TECR: variants seen among roughly 807,000 people sequenced by gnomAD.
TECR encodes the protein very-long-chain enoyl-CoA reductase.
Under a neutral mutation model 50.6 loss-of-function variants are expected in TECR, and 19 were observed. The ratio of observed to expected loss-of-function variants is 0.38; its 90% confidence interval spans 0.26 to 0.55. The LOEUF (loss-of-function observed/expected upper bound fraction) is 0.55, where lower values mean the gene tolerates loss of function less well. TECR is among the 20% of genes least tolerant of loss of function. The pLI, the probability that TECR is intolerant of heterozygous loss-of-function variation, is 0.79. For missense variants in TECR, 313 were observed against 408.3 expected (o/e 0.77, Z 2.01); for synonymous variants, 168 against 163.5 (o/e 1.03, Z -0.21).
At chr19:14,541,432 G>T (rs898673582) in intron 1 of TECR, among the ~76,000 whole-genome samples, 10 of 152,232 alleles carry the variant, frequency 6.6e-5, no homozygotes, top group Non-Finnish European at 1.2e-4. Flanking sequence ...CAGGTTGTGG[G>T]CAGGTCCTGC....
At chr19:14,533,770 G>A (rs2072760301) in intron 1 of TECR, among the ~76,000 whole-genome samples, 1 of 152,158 alleles carries the variant, frequency 6.6e-6, no homozygotes, top group Non-Finnish European at 1.5e-5. Flanking sequence ...TCTCTAGAAC[G>A]GGTCACCTCC....
rs778162200 is a variant in TECR, at chr19:14,565,599, T to C, written c.754-19T>C. The C allele has an allele frequency of 6.2e-6, 10 of 1,607,820 alleles. No homozygotes were observed. The South Asian group carries it at 6.6e-5, about 11-fold the overall frequency. ...GGGTTGCGAGGCTGCCCACGCTCACTCTCCGCCCCTGCCCACAGGTGGGGT... is the reference window on the plus strand; with the variant it reads ...GGGTTGCGAGGCTGCCCACGCTCACCCTCCGCCCCTGCCCACAGGTGGGGT... On this transcript the variant is annotated intron_variant, in intron 11 of 12. Coordinates refer to ENST00000215567, the MANE Select transcript of TECR (RefSeq NM_138501.6).
At chr19:14,542,717 T>C (rs2073146054) in intron 1 of TECR, among the ~76,000 whole-genome samples, 1 of 152,104 alleles carries the variant, frequency 6.6e-6, no homozygotes, top group Non-Finnish European at 1.5e-5. Context: ...TTCTGAGAAG[T>C]GTACCGTGGA....
chr19:14,534,242 A>C (rs2072780455), intron 1 of TECR, among the ~76,000 whole-genome samples: 1 of 150,930 alleles, frequency 6.6e-6, no homozygotes. Context: ...CTCCTGCCTC[A>C]GCCTCCCGAG....
At chr19:14,535,508 A>C (rs1599415200) in intron 1 of TECR, among the ~76,000 whole-genome samples, 1 of 9,804 alleles carries the variant, frequency 1.0e-4, no homozygotes, top group Non-Finnish European at 1.6e-4. Context: ...CTCCGTCTCA[A>C]AAAAAAAAAA....
chr19:14,537,849 G>T (rs562258478), intron 1 of TECR, among the ~76,000 whole-genome samples: 76 of 151,226 alleles, frequency 5.0e-4, no homozygotes, highest in African/African-American at 1.7e-3. Flanking sequence ...GGGTTCAGGC[G>T]ATTCTCCTGC....
intron 1 of TECR, chr19:14,532,494 CAG>C (rs1168660448): frequency 1.7e-5 from 2 of 117,136 alleles, no homozygotes; most frequent in Non-Finnish European, 3.2e-5. Context: ...GCCTGGATGA[CAG>C]AGCGAGAGTC....
intron 1 of TECR, chr19:14,529,989 C>G (rs2072563032): frequency 1.8e-6 from 1 of 552,018 alleles, no homozygotes; most frequent in Non-Finnish European, 3.3e-6. Flanking sequence ...TTGCAGCTCC[C>G]CCAGCGGGCT....
intron 1 of TECR, among the ~76,000 whole-genome samples, chr19:14,540,946 T>C (rs566049414): frequency 6.6e-6 from 1 of 152,216 alleles, no homozygotes; most frequent in East Asian, 1.9e-4. Flanking sequence ...GCCATTCTTT[T>C]GCCTCAGGCT....
At chr19:14,545,248 C>G (rs532228049) in intron 1 of TECR, 1 of 456,134 alleles carries the variant, frequency 2.2e-6, no homozygotes, top group African/African-American at 2.0e-5. Context: ...CTAAAATTTA[C>G]TCTGTTCCAG....
chr19:14,529,118 T>C (rs1599393769), upstream of TECR: 2 of 179,462 alleles, frequency 1.1e-5, no homozygotes, highest in East Asian at 2.8e-4. Context: ...TCTCCTCCCA[T>C]AGTGACCTCC....
At chr19:14,533,771 G>C (rs2072760429) in intron 1 of TECR, among the ~76,000 whole-genome samples, 1 of 152,124 alleles carries the variant, frequency 6.6e-6, no homozygotes, top group Admixed American at 6.6e-5. Context: ...CTCTAGAACG[G>C]GTCACCTCCA....
At chr19:14,558,677 G>T (rs984333293) in intron 1 of TECR, among the ~76,000 whole-genome samples, 19 of 152,088 alleles carry the variant, frequency 1.2e-4, no homozygotes, top group African/African-American at 4.3e-4. Flanking sequence ...CTCACCCCTT[G>T]CCCGTGGCCA....
Position 14,565,704 on chromosome 19 carries a change from GGGCCGGCAGCCCCTCCCTGA to G in TECR, c.800-39_800-20del. The G allele has an allele frequency of 6.2e-7, 1 of 1,611,790 alleles. No individual in the cohort carries two copies. Among genetic ancestry groups the G allele is most frequent in the Non-Finnish European group, 8.5e-7 (1 of 1,179,568 alleles). On this transcript the variant is annotated intron_variant, in intron 12 of 12. Transcript: ENST00000215567. The stretch of plus-strand genomic sequence containing the variant: ...TCCCTCGGCGGGGCCCTGCCCCTCC[GGGCCGGCAGCCCCTCCCTGA>G]CGCCCGTTCTTTCCTGCAGTGGCCC...
Position 14,563,045 on chromosome 19 carries a change from C to T in TECR, c.67-161C>T, listed in dbSNP as rs1158134010. On this transcript the variant is annotated intron_variant, in intron 2 of 12. Transcript: ENST00000215567. This position sits in a 1 kb window ranked among gnomAD's most constrained non-coding sequence, Gnocchi z 5.3. ...GCTGTCACTGCACTGGCAGGGCCCTCGGTGGTCCTTCCCTGACTGCAGGCA... is the reference window on the plus strand; with the variant it reads ...GCTGTCACTGCACTGGCAGGGCCCTTGGTGGTCCTTCCCTGACTGCAGGCA... 17 of 843,396 alleles carry T rather than the reference C, an allele frequency of 2.0e-5. No individual in the cohort carries two copies. Among genetic ancestry groups the T allele is most frequent in the African/African-American group, 3.4e-5 (2 of 59,224 alleles). The allele number at this position is 843,396 out of a possible 1,614,324, so 52.2% of individuals were successfully genotyped here. A position where few individuals can be genotyped will look rare whatever the true frequency, so the allele number is the denominator to read the frequency against.
intron 11 of TECR, 69 bp downstream of exon 11, chr19:14,565,359 A>G: frequency 6.3e-7 from 1 of 1,582,912 alleles, no homozygotes. Flanking sequence ...AGCCCCTAGG[A>G]TGGGGCGCCT....
intron 1 of TECR, among the ~76,000 whole-genome samples, chr19:14,557,181 CCAGG>C (rs1297258345): frequency 1.4e-5 from 2 of 147,774 alleles, no homozygotes; most frequent in Non-Finnish European, 3.0e-5. Context: ...GCTGTGTCGC[CCAGG>C]CTGGAGTGCA....
At chr19:14,542,099 A>T (rs1242460295) in intron 1 of TECR, among the ~76,000 whole-genome samples, 1 of 151,890 alleles carries the variant, frequency 6.6e-6, no homozygotes, top group African/African-American at 2.4e-5. Context: ...ATGGCAATGA[A>T]AGTCCCTTTT....
intron 1 of TECR, among the ~76,000 whole-genome samples, chr19:14,543,660 G>T (rs920969172): frequency 3.3e-5 from 5 of 149,920 alleles, no homozygotes; most frequent in African/African-American, 7.4e-5. Context: ...GGATGGTCTC[G>T]ATCTCCTGAC....
Sources: gnomAD v4.1 joint callset for allele counts (sites outside exome capture counted in the v4.1 genomes callset) on GRCh38, gnomAD v4.1.1 for gene constraint, Gnocchi (gnomAD v3.1) non-coding constraint, MANE v1.5 for transcripts, NCBI Gene and HGNC (gene_info 2026-07-23, HGNC 2026-07-21) for gene names.